THSD7A: variants seen among roughly 807,000 people sequenced by gnomAD.
The protein encoded by THSD7A is thrombospondin type 1 domain containing 7A, also known as thrombospondin type-1 domain-containing protein 7A.
A neutral mutation model predicts 231.3 loss-of-function variants in THSD7A; 96 were observed. The observed-to-expected ratio is 0.41, with a 90% CI of 0.35 to 0.49. The LOEUF (loss-of-function observed/expected upper bound fraction) is 0.49. Among genes scored for constraint, THSD7A ranks in the 20% least tolerant of loss-of-function variants. THSD7A has a pLI of 0.05. For synonymous variants in THSD7A, 940 were observed against 743.3 expected (o/e 1.26, Z -4.30); for missense variants, 2,290 against 2,070.2 (o/e 1.11, Z -2.06).
chr7:11,717,384 C>T (rs1781176705), intron 1 of THSD7A, among the ~76,000 whole-genome samples: 1 of 151,652 alleles, frequency 6.6e-6, no homozygotes, highest in African/African-American at 2.4e-5. Flanking sequence ...CTCTATCCTT[C>T]TATTTCTACA....
In THSD7A at chr7:11,704,938, T is replaced by C. The variant is rs142501776; in HGVS notation, c.191-67977A>G. Among the ~76,000 whole-genome samples the C allele has an allele frequency of 3.2e-3, 485 of 151,256 alleles. 1 individual carries two copies. Among genetic ancestry groups the C allele is most frequent in the African/African-American group, 0.011 (453 of 41,432 alleles). On this transcript the variant is annotated intron_variant, in intron 1 of 27. Transcript: ENST00000423059. ...TCTCCAAAAATAAGTGTACCATCAG[T>C]GGTTGCTTCATCTAATCCATGTTTA... is the stretch of plus-strand genomic sequence containing the variant.
chr7:11,829,509 C>CA (rs2128189286), intron 1 of THSD7A, among the ~76,000 whole-genome samples: 1 of 152,210 alleles, frequency 6.6e-6, no homozygotes, highest in East Asian at 1.9e-4. Flanking sequence ...AGTGTAACAA[C>CA]TTTCACTACA....
chr7:11,677,078 A>T (rs1490183660), intron 1 of THSD7A, among the ~76,000 whole-genome samples: 2 of 152,166 alleles, frequency 1.3e-5, no homozygotes, highest in African/African-American at 4.8e-5. Context: ...CTCTGCAGAA[A>T]TCCTACAAGC....
chr7:11,610,384 T>C lies in THSD7A; in HGVS notation c.1023-16882A>G, dbSNP rs182542757. Among the ~76,000 whole-genome samples, 553 of 152,238 alleles carry C rather than the reference T, an allele frequency of 3.6e-3. 5 individuals carry two copies. Among genetic ancestry groups the C allele is most frequent in the Middle Eastern group, 0.014 (4 of 294 alleles). On this transcript the variant is annotated intron_variant, in intron 2 of 27. Coordinates refer to ENST00000423059, the MANE Select transcript of THSD7A (RefSeq NM_015204.3). ...ATGTACATTCATTTGATAAGCATGA[T>C]GTAGATAACCAAACAGGAAGAAAAT...
intron 9 of THSD7A, among the ~76,000 whole-genome samples, chr7:11,466,997 C>G (rs1785735256): frequency 6.6e-6 from 1 of 152,096 alleles, no homozygotes; most frequent in Admixed American, 6.6e-5. Context: ...ACTATCTACC[C>G]GCATAACACG....
intron 1 of THSD7A, among the ~76,000 whole-genome samples, chr7:11,676,228 A>G (rs1783630620): frequency 6.6e-6 from 1 of 152,188 alleles, no homozygotes; most frequent in Admixed American, 6.5e-5. Flanking sequence ...CAACATCTAA[A>G]AAAGGACAAC....
intron 1 of THSD7A, among the ~76,000 whole-genome samples, chr7:11,697,454 A>G (rs1780437143): frequency 6.6e-6 from 1 of 151,326 alleles, no homozygotes; most frequent in East Asian, 2.0e-4. Context: ...ACTTACATAC[A>G]CAATTTTATG....
At chr7:11,727,432 A>C (rs1781584427) in intron 1 of THSD7A, among the ~76,000 whole-genome samples, 1 of 152,018 alleles carries the variant, frequency 6.6e-6, no homozygotes, top group African/African-American at 2.4e-5. Flanking sequence ...AGGAGAAGGA[A>C]GAGTTCAAAA....
At chr7:11,817,806 T>C (rs1322728924) in intron 1 of THSD7A, among the ~76,000 whole-genome samples, 1 of 152,198 alleles carries the variant, frequency 6.6e-6, no homozygotes, top group African/African-American at 2.4e-5. Flanking sequence ...ATCATATTCC[T>C]AATAAATAAC....
At chr7:11,556,889 T>C (rs1280859553) in intron 4 of THSD7A, among the ~76,000 whole-genome samples, 1 of 152,056 alleles carries the variant, frequency 6.6e-6, no homozygotes, top group African/African-American at 2.4e-5. Flanking sequence ...TTTCAAATAC[T>C]TTTATCTTTC....
chr7:11,417,434 A>C lies in THSD7A; in HGVS notation c.3537+16T>G. On this transcript the variant is annotated intron_variant, in intron 17 of 27. Coordinates refer to ENST00000423059, the MANE Select transcript of THSD7A (RefSeq NM_015204.3). ...TTAAATAAACTCTACATTAATAAAA[A>C]GGTTAATCATCTCACCAAAACACAT... 1 of 1,562,290 alleles carries C rather than the reference A, an allele frequency of 6.4e-7. No individual in the cohort carries two copies. Among genetic ancestry groups the C allele is most frequent in the South Asian group, 1.2e-5 (1 of 82,978 alleles).
chr7:11,763,489 T>G (rs1046241443), intron 1 of THSD7A, among the ~76,000 whole-genome samples: 4 of 152,200 alleles, frequency 2.6e-5, no homozygotes, highest in Admixed American at 2.0e-4. Context: ...TACACATATA[T>G]ACACATCTAT....
intron 23 of THSD7A, among the ~76,000 whole-genome samples, chr7:11,397,946 T>C (rs1783252320): frequency 6.6e-6 from 1 of 152,218 alleles, no homozygotes. Flanking sequence ...TTTTACACTG[T>C]TGGTGGGACT....
At chr7:11,460,909 T>A (rs1785483290) in intron 10 of THSD7A, 144 bp from the exon 11 acceptor site, 1 of 626,594 alleles carries the variant, frequency 1.6e-6, no homozygotes, top group South Asian at 2.0e-5. Context: ...TTAATTTAGA[T>A]CTCCATCTAG....
chr7:11,542,967 T>C lies in THSD7A; in HGVS notation c.1604A>G (p.Lys535Arg), dbSNP rs1439722840. Residue 535 changes from lysine to arginine, a missense_variant, in exon 5 of 28, where the codon AAA becomes AGA. Transcript: ENST00000423059. ...TYENCNDQQG[K>R]KGFKLRKRRI... is the part of the protein sequence containing the mutation. Reference sequence around the variant, plus strand: ...GTCATGGTCACGTTACCTACCTTTTTTCCCTTGCTGATCATTACAGTTTTC... The same window carrying C: ...GTCATGGTCACGTTACCTACCTTTTCTCCCTTGCTGATCATTACAGTTTTC... 3 of 1,612,784 alleles carry C rather than the reference T, an allele frequency of 1.9e-6. No homozygotes were observed. The highest frequency in any genetic ancestry group is 2.5e-6 in the Non-Finnish European group (3 of 1,179,504).
chr7:11,611,863 T>TATC (rs1427450478), intron 2 of THSD7A, among the ~76,000 whole-genome samples: 1 of 151,102 alleles, frequency 6.6e-6, no homozygotes, highest in Admixed American at 6.6e-5. Flanking sequence ...TCTATCTATC[T>TATC]ATCTATCTAT....
chr7:11,813,349 T>C (rs7776992), intron 1 of THSD7A, among the ~76,000 whole-genome samples: 47,828 of 151,980 alleles, frequency 0.31, 7,696 homozygotes, highest in Middle Eastern at 0.47. Context: ...ATTACATGTT[T>C]TTAAATGACA....
chr7:11,657,779 C>G (rs1782763228), intron 1 of THSD7A, among the ~76,000 whole-genome samples: 1 of 151,792 alleles, frequency 6.6e-6, no homozygotes, highest in African/African-American at 2.4e-5. Context: ...GTTATGAAAG[C>G]ACTTTTTAAA....
chr7:11,565,716 A>T (rs1790284186), intron 4 of THSD7A, among the ~76,000 whole-genome samples: 1 of 152,130 alleles, frequency 6.6e-6, no homozygotes, highest in South Asian at 2.1e-4. Flanking sequence ...CTTGTTCTAG[A>T]ACCCCTAGAC....
Sources: allele counts gnomAD v4.1 joint callset (sites outside exome capture counted in the v4.1 genomes callset), GRCh38; gene constraint gnomAD v4.1.1; transcripts MANE v1.5; gene names NCBI Gene and HGNC (gene_info 2026-07-23, HGNC 2026-07-21).